TADA2A: variants seen among roughly 807,000 people sequenced by gnomAD.
TADA2A encodes transcriptional adapter 2-alpha.
TADA2A carries 38 observed loss-of-function variants against 67.4 expected under a neutral mutation model. The ratio of observed to expected loss-of-function variants is 0.56; its 90% CI spans 0.44 to 0.74. TADA2A has a LOEUF of 0.74. Ranked by LOEUF, TADA2A falls within the 30% of genes least tolerant of loss-of-function variation. TADA2A has a pLI of 0.00. For missense variants in TADA2A, 454 were observed against 547.0 expected (o/e 0.83, Z 1.70); for synonymous variants, 192 against 181.6 (o/e 1.06, Z -0.46).
At chr17:37,440,872 A>G (rs1219438677) in intron 6 of TADA2A, among the ~76,000 whole-genome samples, 3 of 152,196 alleles carry the variant, frequency 2.0e-5, no homozygotes, top group Admixed American at 2.0e-4. Flanking sequence ...AGGCGGGTAA[A>G]TCACTTGAGG....
intron 8 of TADA2A, among the ~76,000 whole-genome samples, chr17:37,457,180 T>C (rs1179863422): frequency 6.9e-6 from 1 of 145,198 alleles, no homozygotes; most frequent in African/African-American, 2.5e-5. Flanking sequence ...ATTATTCTTT[T>C]TTTTTTTTTT....
chr17:37,470,794 ACT>A (rs369264489), intron 13 of TADA2A, among the ~76,000 whole-genome samples: 8 of 151,904 alleles, frequency 5.3e-5, no homozygotes, highest in African/African-American at 1.9e-4. Context: ...CATGACTTCA[ACT>A]CTCTCTTCAT....
chr17:37,439,942 ATTATTT>A lies in TADA2A; in HGVS notation c.285-560_285-555del, dbSNP rs1568155277. 2.7e-4 allele frequency among the ~76,000 whole-genome samples: 16 copies of A among 58,468 alleles called. 1 individual carries two copies. Among genetic ancestry groups the A allele is most frequent in the East Asian group, 1.8e-3 (2 of 1,142 alleles). 38.4% of individuals were successfully genotyped at this position (58,468 alleles called of 152,430 possible). On this transcript the variant is annotated intron_variant, in intron 5 of 15. Transcript: ENST00000615182. ...TATTTATTTATTTATTTATTTATTT[ATTATTT>A]TTTTTTTTTTTTGAGATGGAGTTTC... is the stretch of plus-strand genomic sequence containing the variant.
At chr17:37,443,326 C>G (rs551561520) in intron 7 of TADA2A, among the ~76,000 whole-genome samples, 5 of 151,840 alleles carry the variant, frequency 3.3e-5, no homozygotes, top group African/African-American at 1.2e-4. Context: ...TGGTCTTGGC[C>G]CATTGCAACC....
chr17:37,445,339 C>A (rs1156699420), intron 8 of TADA2A, among the ~76,000 whole-genome samples: 2 of 152,222 alleles, frequency 1.3e-5, no homozygotes, highest in Non-Finnish European at 2.9e-5. Context: ...GATCTTGGCT[C>A]ACTGCAACCT....
chr17:37,423,566 A>T lies in TADA2A; in HGVS notation c.83A>T (p.Tyr28Phe), dbSNP rs1264808996. Reference sequence around the variant, plus strand: ...TGCTCCTCCTACCTCATGGAGCCTTATATCAAGTGTGCTGAATGTGGGCCA... The same window carrying T: ...TGCTCCTCCTACCTCATGGAGCCTTTTATCAAGTGTGCTGAATGTGGGCCA... ...RGCSSYLMEPYIKCAECGPPP... is the reference protein window; with the variant it reads ...RGCSSYLMEPFIKCAECGPPP... The change falls in exon 3 of 16, where the codon TAT becomes TTT. Residue 28 changes from tyrosine (Y) to phenylalanine (F), a missense_variant. Around this residue, in one of 2 missense-constraint regions of TADA2A, gnomAD observed 403 missense variants for 455.5 expected, o/e 0.88. Coordinates refer to ENST00000615182, the MANE Select transcript of TADA2A (RefSeq NM_001166105.3). 6.2e-7 allele frequency: 1 copy of T among 1,613,582 alleles called. No homozygotes were observed. The highest frequency in any genetic ancestry group is 2.2e-5 in the East Asian group (1 of 44,856).
At chr17:37,470,252 T>C in intron 12 of TADA2A, 148 bp from the exon 13 acceptor site, 1 of 802,700 alleles carries the variant, frequency 1.2e-6, no homozygotes, top group Non-Finnish European at 1.9e-6. Flanking sequence ...GAAAATCTAC[T>C]TGGGTCTTGG....
intron 9 of TADA2A, among the ~76,000 whole-genome samples, chr17:37,460,672 T>TA (rs1415449903): frequency 4.6e-5 from 7 of 152,214 alleles, no homozygotes; most frequent in African/African-American, 1.7e-4. Context: ...CTTTGCAACA[T>TA]ATCAAAAAGT....
At chr17:37,461,253 C>A (rs1017314186) in intron 9 of TADA2A, among the ~76,000 whole-genome samples, 18 of 152,126 alleles carry the variant, frequency 1.2e-4, no homozygotes, top group Non-Finnish European at 5.9e-5. Context: ...TGCCGCTCCT[C>A]TGACAGGAGG....
chr17:37,416,339 C>T (rs1035057741), intron 2 of TADA2A, among the ~76,000 whole-genome samples: 1 of 151,746 alleles, frequency 6.6e-6, no homozygotes, highest in Admixed American at 6.6e-5. Flanking sequence ...AGGCTGGTCT[C>T]GAACTCCCAA....
intron 6 of TADA2A, among the ~76,000 whole-genome samples, chr17:37,441,876 G>A (rs2052927713): frequency 1.3e-5 from 2 of 151,940 alleles, no homozygotes; most frequent in Admixed American, 1.3e-4. Context: ...CTGTGTTGGC[G>A]AGGCTGGTCT....
chr17:37,430,325 A>C (rs2052533625), intron 4 of TADA2A, among the ~76,000 whole-genome samples: 3 of 152,070 alleles, frequency 2.0e-5, no homozygotes, highest in Admixed American at 2.0e-4. Context: ...CATCTTATTT[A>C]TTCCCAGTGA....
intron 1 of TADA2A, among the ~76,000 whole-genome samples, chr17:37,409,369 A>G (rs1371079658): frequency 1.3e-5 from 2 of 152,204 alleles, no homozygotes; most frequent in African/African-American, 4.8e-5. Context: ...AGTTACAGAC[A>G]TGAGCTACCA....
At chr17:37,410,151 AT>A in intron 1 of TADA2A, among the ~76,000 whole-genome samples, 1 of 152,000 alleles carries the variant, frequency 6.6e-6, no homozygotes, top group South Asian at 2.1e-4. Context: ...AGAGGTTGCA[AT>A]GAGTACTCCA....
intron 8 of TADA2A, among the ~76,000 whole-genome samples, chr17:37,451,870 G>C (rs1281686294): frequency 1.3e-5 from 2 of 152,084 alleles, no homozygotes; most frequent in Non-Finnish European, 2.9e-5. Flanking sequence ...TGTAATCCCA[G>C]CTACTTGGGA....
chr17:37,407,268 C>A (rs2051600599), intron 1 of TADA2A: 2 of 152,474 alleles, frequency 1.3e-5, no homozygotes, highest in African/African-American at 4.8e-5. Context: ...CAAGAATGGC[C>A]ACTGTGCCAG....
In TADA2A at chr17:37,475,762, C is replaced by A. The variant is rs1346289991; in HGVS notation, c.1147-1035C>A. On this transcript the variant is annotated intron_variant, in intron 15 of 15. Transcript: ENST00000615182. ...TTAGAGATGTGAGCCACTGCACCGGCCTGATTAAAAAATTATGTGACCTAC... is the reference window on the plus strand; with the variant it reads ...TTAGAGATGTGAGCCACTGCACCGGACTGATTAAAAAATTATGTGACCTAC... Among the ~76,000 whole-genome samples, 5 of 152,260 alleles carry A rather than the reference C, an allele frequency of 3.3e-5. No individual in the cohort carries two copies. The East Asian group carries it at 7.7e-4, about 23-fold the overall frequency.
At chr17:37,413,649 C>G (rs571049139) in intron 2 of TADA2A, among the ~76,000 whole-genome samples, 2 of 151,920 alleles carry the variant, frequency 1.3e-5, no homozygotes, top group Admixed American at 6.6e-5. Context: ...TAGGCTCAAG[C>G]GATGCCCCCA....
intron 15 of TADA2A, among the ~76,000 whole-genome samples, chr17:37,475,216 G>A (rs2053868510): frequency 6.6e-6 from 1 of 151,510 alleles, no homozygotes; most frequent in Non-Finnish European, 1.5e-5. Flanking sequence ...CTGTCACCCA[G>A]GCTGGAGTGC....
Sources: allele counts gnomAD v4.1 joint callset (sites outside exome capture counted in the v4.1 genomes callset), GRCh38; gene constraint gnomAD v4.1.1; regional missense constraint gnomAD v4.1.1; transcripts MANE v1.5; gene names NCBI Gene and HGNC (gene_info 2026-07-23, HGNC 2026-07-21).